CEP63: variants seen among roughly 807,000 people sequenced by gnomAD.
The protein encoded by CEP63 is centrosomal protein of 63 kDa.
In CEP63, 84 loss-of-function variants were observed where a neutral mutation model predicts 89.1. The observed-to-expected ratio is 0.94, with a 90% CI of 0.79 to 1.13. The LOEUF is 1.13. Among genes scored for constraint, CEP63 ranks in the 50% most tolerant of loss-of-function variants. CEP63 has a pLI of 0.00. For synonymous variants in CEP63, 267 were observed against 272.5 expected (o/e 0.98, Z 0.20); for missense variants, 838 against 813.3 (o/e 1.03, Z -0.37).
chr3:134,703,152 C>T, the CEP63 span, among the ~76,000 whole-genome samples: 25 of 151,906 alleles, frequency 1.6e-4, no homozygotes, highest in African/African-American at 2.9e-4. Context: ...AAAAATTAGC[C>T]AGGCGTGGTG....
intron 3 of CEP63, chr3:134,510,456 C>T: frequency 3.5e-6 from 1 of 287,284 alleles, no homozygotes; most frequent in East Asian, 9.8e-5. Flanking sequence ...ATCAGCAACA[C>T]CACCATGGAA....
At chr3:134,494,668 A>G (rs1939112303) in intron 1 of CEP63, among the ~76,000 whole-genome samples, 1 of 152,164 alleles carries the variant, frequency 6.6e-6, no homozygotes, top group Non-Finnish European at 1.5e-5. Context: ...GAAAAATAGT[A>G]TGTAAAAAAC....
the CEP63 span, among the ~76,000 whole-genome samples, chr3:134,596,715 C>T: frequency 2.0e-5 from 3 of 152,148 alleles, no homozygotes; most frequent in Admixed American, 6.5e-5. Flanking sequence ...TACTGTGTGC[C>T]GAGGAGCAGA....
the CEP63 span, among the ~76,000 whole-genome samples, chr3:134,760,051 G>A: frequency 6.9e-6 from 1 of 144,526 alleles, no homozygotes; most frequent in Admixed American, 7.0e-5. Flanking sequence ...AGATACCAGA[G>A]CACTTTCTTT....
the CEP63 span, among the ~76,000 whole-genome samples, chr3:134,763,383 CA>C: frequency 6.6e-6 from 1 of 152,042 alleles, no homozygotes; most frequent in East Asian, 1.9e-4. Context: ...GTCTGTGGTT[CA>C]GGGCTATGTT....
the CEP63 span, chr3:134,643,330 G>A: frequency 6.2e-7 from 1 of 1,613,950 alleles, no homozygotes; most frequent in South Asian, 1.1e-5. Context: ...GCTGTTGTAG[G>A]AAGTGATGAC....
chr3:134,600,088 C>T, the CEP63 span, among the ~76,000 whole-genome samples: 3 of 152,148 alleles, frequency 2.0e-5, no homozygotes, highest in Admixed American at 2.0e-4. Context: ...AAATTATAGA[C>T]CTAAGATAAA....
At chr3:134,583,686 C>A (rs1958415852) in intron 10 of CEP63, among the ~76,000 whole-genome samples, 1 of 151,970 alleles carries the variant, frequency 6.6e-6, no homozygotes, top group South Asian at 2.1e-4. Flanking sequence ...TCCATATGAA[C>A]TTTAGAGTAT....
At chr3:134,710,301 G>T in the CEP63 span, among the ~76,000 whole-genome samples, 1 of 152,102 alleles carries the variant, frequency 6.6e-6, no homozygotes, top group Non-Finnish European at 1.5e-5. Flanking sequence ...GCCTCTCCCT[G>T]GGGTTTTCAA....
the CEP63 span, among the ~76,000 whole-genome samples, chr3:134,630,632 C>T: frequency 6.6e-6 from 1 of 152,224 alleles, no homozygotes; most frequent in African/African-American, 2.4e-5. Flanking sequence ...ATACCACAGT[C>T]TTCAGGAAGT....
At chr3:134,504,602 C>G (rs1235639867) in intron 2 of CEP63, among the ~76,000 whole-genome samples, 1 of 152,154 alleles carries the variant, frequency 6.6e-6, no homozygotes, top group Non-Finnish European at 1.5e-5. Flanking sequence ...TAGGTTGAAT[C>G]TATTTGGGGA....
At chr3:134,678,828 T>G in the CEP63 span, among the ~76,000 whole-genome samples, 1 of 152,248 alleles carries the variant, frequency 6.6e-6, no homozygotes, top group African/African-American at 2.4e-5. Flanking sequence ...CCCCCTCCAC[T>G]TGGAATGTTA....
intron 3 of CEP63, among the ~76,000 whole-genome samples, chr3:134,526,089 T>C (rs1445674768): frequency 6.6e-6 from 1 of 152,220 alleles, no homozygotes; most frequent in Non-Finnish European, 1.5e-5. Flanking sequence ...AGATGTGGCA[T>C]CTTTACATAA....
At chr3:134,618,585 C>T in the CEP63 span, among the ~76,000 whole-genome samples, 7 of 146,480 alleles carry the variant, frequency 4.8e-5, no homozygotes, top group African/African-American at 1.5e-4. Flanking sequence ...CTGGCAATGG[C>T]CTGTTCTCCT....
At chr3:134,619,002 T>A in the CEP63 span, 1 of 646,282 alleles carries the variant, frequency 1.5e-6, no homozygotes, top group Non-Finnish European at 2.8e-6. Flanking sequence ...AGGGAGAAAT[T>A]GACCTTTTCA....
the CEP63 span, among the ~76,000 whole-genome samples, chr3:134,630,603 A>G: frequency 1.2e-4 from 19 of 152,352 alleles, no homozygotes; most frequent in Middle Eastern, 6.8e-3. Flanking sequence ...GTGCATGCAT[A>G]GATCTCATCC....
the CEP63 span, among the ~76,000 whole-genome samples, chr3:134,753,235 C>T: frequency 2.6e-5 from 4 of 152,078 alleles, no homozygotes; most frequent in Non-Finnish European, 4.4e-5. Flanking sequence ...ATATACAGAC[C>T]GTGTCTACTC....
At chr3:134,761,245 G>C in the CEP63 span, among the ~76,000 whole-genome samples, 1 of 152,174 alleles carries the variant, frequency 6.6e-6, no homozygotes, top group East Asian at 1.9e-4. Flanking sequence ...CTGCCCATTT[G>C]TTCTCCCAAC....
the CEP63 span, among the ~76,000 whole-genome samples, chr3:134,744,960 C>A: frequency 6.6e-6 from 1 of 152,188 alleles, no homozygotes; most frequent in Non-Finnish European, 1.5e-5. Context: ...AAAATGCATA[C>A]TTTTAAGCAT....
Sources: allele counts gnomAD v4.1 joint callset (sites outside exome capture counted in the v4.1 genomes callset), GRCh38; gene constraint gnomAD v4.1.1; transcripts MANE v1.5; gene names NCBI Gene and HGNC (gene_info 2026-07-23, HGNC 2026-07-21).